The following JAK1 variants were observed in gnomAD, a reference collection of about 807,000 sequenced individuals.
The protein encoded by JAK1 is Janus kinase 1.
A neutral mutation model predicts 136.6 loss-of-function variants in JAK1; 16 were observed. The ratio of observed to expected loss-of-function variants is 0.12; its 90% confidence interval spans 0.08 to 0.18. The LOEUF (loss-of-function observed/expected upper bound fraction) is 0.18. Ranked by LOEUF, JAK1 falls within the 10% of genes least tolerant of loss-of-function variation. JAK1 has a pLI of 1.00. For synonymous variants in JAK1, 492 were observed against 519.5 expected (o/e 0.95, Z 0.72); for missense variants, 859 against 1,450.1 (o/e 0.59, Z 6.62).
chr1:64,914,960 C>T (rs1447610769), intron 1 of JAK1, among the ~76,000 whole-genome samples: 1 of 152,238 alleles, frequency 6.6e-6, no homozygotes, highest in East Asian at 1.9e-4. Context: ...TAAGGCACAA[C>T]ACTATTTAAT....
At chr1:65,056,923 TAA>T (rs57037539) in intron 1 of JAK1, among the ~76,000 whole-genome samples, 8,364 of 118,642 alleles carry the variant, frequency 0.07, 467 homozygotes, top group East Asian at 0.32. Context: ...ACTCTTTCTT[TAA>T]AAAAAAAAAA....
chr1:64,920,875 A>G (rs560685789), intron 1 of JAK1, among the ~76,000 whole-genome samples: 19 of 152,218 alleles, frequency 1.2e-4, no homozygotes, highest in Non-Finnish European at 2.6e-4. Context: ...GTACACAGGA[A>G]CAGGTCCAGT....
Position 64,984,113 on chromosome 1 carries a change from CATA to C in JAK1, c.-78+60364_-78+60366del, listed in dbSNP as rs1169559416. On this transcript the variant is annotated intron_variant, in intron 2 of 25. Coordinates refer to the JAK1 transcript ENST00000671954. The surrounding 1 kb of genome is among the most constrained non-coding windows in gnomAD (Gnocchi z 4.1). ...TTATTTGGCAAAATTACACTTAAAACATAATATTTATGTAATTAAACCAGGAGG... is the reference window on the plus strand; with the variant it reads ...TTATTTGGCAAAATTACACTTAAAACATATTTATGTAATTAAACCAGGAGG... Among the ~76,000 whole-genome samples the C allele has an allele frequency of 6.6e-6, 1 of 152,156 alleles. No homozygotes were observed. The highest frequency in any genetic ancestry group is 1.5e-5 in the Non-Finnish European group (1 of 68,026).
At chr1:65,025,665 TTTTC>T (rs987990115) in intron 2 of JAK1, among the ~76,000 whole-genome samples, 2 of 141,092 alleles carry the variant, frequency 1.4e-5, no homozygotes, top group Non-Finnish European at 3.0e-5. Flanking sequence ...AAATCAATTT[TTTTC>T]TTTCTTTCTT....
At chr1:64,888,464 G>C (rs1423777907) in intron 1 of JAK1, among the ~76,000 whole-genome samples, 1 of 152,236 alleles carries the variant, frequency 6.6e-6, no homozygotes. Context: ...ACAGGCGTGA[G>C]CCACCACACC....
intron 11 of JAK1, among the ~76,000 whole-genome samples, chr1:64,851,493 A>T (rs923897426): frequency 6.6e-6 from 1 of 152,246 alleles, no homozygotes; most frequent in Non-Finnish European, 1.5e-5. Context: ...CAGGAGACCC[A>T]TAACAGTGCC....
intron 8 of JAK1, among the ~76,000 whole-genome samples, chr1:64,863,977 G>A (rs1369595541): frequency 6.6e-6 from 1 of 152,176 alleles, no homozygotes; most frequent in African/African-American, 2.4e-5. Flanking sequence ...GCTTTTAACA[G>A]GTTACCAAAC....
At chr1:64,938,405 G>C (rs1645829534) in intron 1 of JAK1, among the ~76,000 whole-genome samples, 1 of 152,038 alleles carries the variant, frequency 6.6e-6, no homozygotes, top group African/African-American at 2.4e-5. Context: ...AGCCTAGTTA[G>C]GAAACAAGAC....
chr1:64,952,470 T>G (rs1422928207), intron 1 of JAK1, among the ~76,000 whole-genome samples: 1 of 152,214 alleles, frequency 6.6e-6, no homozygotes, highest in Non-Finnish European at 1.5e-5. Context: ...ATAGCTTTCA[T>G]TTTCCTTGAT....
chr1:64,966,137 G>C (rs1174009779), intron 1 of JAK1, among the ~76,000 whole-genome samples, 196 bp downstream of exon 1: 1 of 151,870 alleles, frequency 6.6e-6, no homozygotes, highest in Non-Finnish European at 1.5e-5. Flanking sequence ...CCGCCCGCCG[G>C]CTCCGCGGGG....
At chr1:64,923,636 C>A (rs757030711) in intron 1 of JAK1, among the ~76,000 whole-genome samples, 13 of 152,158 alleles carry the variant, frequency 8.5e-5, no homozygotes, top group Admixed American at 2.6e-4. Flanking sequence ...CTCATACACT[C>A]CCATTTTCTA....
intron 1 of JAK1, among the ~76,000 whole-genome samples, chr1:64,930,755 C>T (rs528103232): frequency 1.3e-5 from 2 of 152,154 alleles, no homozygotes; most frequent in Non-Finnish European, 2.9e-5. Flanking sequence ...ACCCAAATGC[C>T]CATCAATGAT....
At chr1:64,913,866 G>A (rs1333694393) in intron 1 of JAK1, among the ~76,000 whole-genome samples, 1 of 152,222 alleles carries the variant, frequency 6.6e-6, no homozygotes, top group African/African-American at 2.4e-5. Context: ...AACAGAAATA[G>A]GTGGGACTGG....
intron 2 of JAK1, chr1:64,995,057 A>G (rs184819970): frequency 6.6e-6 from 1 of 151,896 alleles, no homozygotes; most frequent in East Asian, 1.9e-4. Flanking sequence ...TCTTTATTTT[A>G]GGCTGTTGAT....
At chr1:64,979,429 A>T (rs1646524327) in intron 2 of JAK1, 1 of 152,236 alleles carries the variant, frequency 6.6e-6, no homozygotes, top group Non-Finnish European at 1.5e-5. Flanking sequence ...AAATAAAAAT[A>T]GAAAAGAATT....
rs150468622 is a variant in JAK1 at position 65,040,953 on chromosome 1, G to C, written c.-78+3527C>G. Among the ~76,000 whole-genome samples, 1,055 of 152,150 alleles carry C rather than the reference G, an allele frequency of 6.9e-3. 6 individuals are homozygous for C. Among genetic ancestry groups the C allele is most frequent in the African/African-American group, 0.025 (1,023 of 41,496 alleles). On this transcript the variant is annotated intron_variant, in intron 2 of 25. Coordinates refer to the JAK1 transcript ENST00000671954. ...ATATAGGACTTGGGGTCTGGGGAGG[G>C]CAGGGATATACAAAGATGTATATCA...
At chr1:64,901,073 C>T (rs568384257) in intron 1 of JAK1, among the ~76,000 whole-genome samples, 33 of 152,328 alleles carry the variant, frequency 2.2e-4, no homozygotes, top group South Asian at 4.1e-4. Flanking sequence ...CATCTGTCTT[C>T]GCTGTCTTTG....
chr1:64,986,114 T>TC, intron 2 of JAK1: 1 of 824,476 alleles, frequency 1.2e-6, no homozygotes, highest in Admixed American at 2.3e-5. Context: ...TAATTGTTTT[T>TC]TTTTTTTTTG....
chr1:64,869,291 C>T lies in JAK1; in HGVS notation c.647+20G>A, dbSNP rs564952820. 173 of 1,607,894 alleles carry T rather than the reference C, an allele frequency of 1.1e-4. No individual in the cohort carries two copies. The highest frequency in any genetic ancestry group is 1.4e-4 in the Non-Finnish European group (162 of 1,175,484). On this transcript the variant is annotated intron_variant, in intron 6 of 24. Transcript: ENST00000342505. ...ACCACCATCCTCACAATCAATTCTTCAGCCAGTGGGAAGCTTTACCTGATG... is the reference window on the plus strand; with the variant it reads ...ACCACCATCCTCACAATCAATTCTTTAGCCAGTGGGAAGCTTTACCTGATG...
Sources: allele counts gnomAD v4.1 joint callset (sites outside exome capture counted in the v4.1 genomes callset), GRCh38; gene constraint gnomAD v4.1.1; non-coding constraint Gnocchi (gnomAD v3.1); transcripts MANE v1.5; gene names NCBI Gene and HGNC (gene_info 2026-07-23, HGNC 2026-07-21).